Variants in PRKAR2B observed in about 807,000 individuals in gnomAD.
PRKAR2B encodes cAMP-dependent protein kinase type II-beta regulatory subunit.
Under a neutral mutation model 49.9 loss-of-function variants are expected in PRKAR2B, and 14 were observed. The observed-to-expected ratio is 0.28, with a 90% CI of 0.19 to 0.44. The LOEUF is 0.44. PRKAR2B is among the 20% of genes least tolerant of loss of function. The pLI is 1.00. For synonymous variants in PRKAR2B, 196 were observed against 197.7 expected (o/e 0.99, Z 0.07); for missense variants, 393 against 537.9 (o/e 0.73, Z 2.67).
chr7:107,102,484 C>T (rs1415718087), intron 2 of PRKAR2B, among the ~76,000 whole-genome samples: 7 of 152,184 alleles, frequency 4.6e-5, no homozygotes, highest in Non-Finnish European at 8.8e-5. Context: ...TTTGGCTATA[C>T]GCTGTTGCTC....
At chr7:107,130,343 T>C (rs568407091) in intron 4 of PRKAR2B, among the ~76,000 whole-genome samples, 77 of 150,130 alleles carry the variant, frequency 5.1e-4, no homozygotes, top group Middle Eastern at 3.4e-3. Flanking sequence ...ACTAAAAAAA[T>C]ACAAAAAAGT....
intron 2 of PRKAR2B, among the ~76,000 whole-genome samples, chr7:107,083,687 A>C (rs1794559728): frequency 6.6e-6 from 1 of 152,134 alleles, no homozygotes; most frequent in East Asian, 1.9e-4. Context: ...ATCTCGGCTC[A>C]CTGCAACCTC....
chr7:107,057,359 ATT>A (rs887001253), intron 1 of PRKAR2B, among the ~76,000 whole-genome samples: 11 of 149,232 alleles, frequency 7.4e-5, no homozygotes, highest in Admixed American at 2.0e-4. Flanking sequence ...CTGTGATGTC[ATT>A]CTTTTTTTTT....
intron 2 of PRKAR2B, among the ~76,000 whole-genome samples, chr7:107,098,821 A>ACAGAACAGCAAATATTG (rs1317268995): frequency 1.3e-5 from 2 of 152,304 alleles, no homozygotes; most frequent in East Asian, 3.9e-4. Context: ...AGCAGAGGCT[A>ACAGAACAGCAAATATTG]CAGAACAGCA....
chr7:107,068,557 T>G (rs901743346), intron 1 of PRKAR2B: 12 of 152,158 alleles, frequency 7.9e-5, no homozygotes, highest in Non-Finnish European at 1.5e-4. Flanking sequence ...TTTTAATAAG[T>G]AATTTGTGAC....
intron 1 of PRKAR2B, among the ~76,000 whole-genome samples, chr7:107,061,730 C>T (rs1026030599): frequency 6.6e-6 from 1 of 152,076 alleles, no homozygotes; most frequent in African/African-American, 2.4e-5. Context: ...ATGATGAAAC[C>T]CTGTCTCCAC....
intron 3 of PRKAR2B, among the ~76,000 whole-genome samples, chr7:107,123,294 T>C (rs1207892954): frequency 2.6e-5 from 4 of 152,212 alleles, no homozygotes; most frequent in Non-Finnish European, 4.4e-5. Context: ...GCCATTTAAT[T>C]GATGAGGTAA....
chr7:107,118,921 T>C (rs868693836), intron 2 of PRKAR2B, among the ~76,000 whole-genome samples: 1 of 152,166 alleles, frequency 6.6e-6, no homozygotes, highest in Non-Finnish European at 1.5e-5. Context: ...AGTGAAACAA[T>C]TGCAACAGGA....
chr7:107,138,943 T>C (rs922388020), intron 4 of PRKAR2B, among the ~76,000 whole-genome samples: 22 of 152,190 alleles, frequency 1.4e-4, no homozygotes, highest in African/African-American at 4.6e-4. Flanking sequence ...CCTCCCAAAG[T>C]GCTGGGATTA....
intron 3 of PRKAR2B, among the ~76,000 whole-genome samples, chr7:107,127,229 G>A (rs1795512803): frequency 6.6e-6 from 1 of 152,230 alleles, no homozygotes; most frequent in Non-Finnish European, 1.5e-5. Flanking sequence ...GAAGAGGCAA[G>A]GTACCTGCCC....
intron 2 of PRKAR2B, among the ~76,000 whole-genome samples, chr7:107,114,769 C>G (rs1328307398): frequency 6.6e-6 from 1 of 152,018 alleles, no homozygotes; most frequent in African/African-American, 2.4e-5. Flanking sequence ...TTCAGCAATA[C>G]CCTTCCCAAT....
At position 107,151,027 on chromosome 7, in the gene PRKAR2B, A is replaced by G; in HGVS notation, c.843+4A>G. The G allele has an allele frequency of 6.7e-7, 1 of 1,499,664 alleles. No individual in the cohort carries two copies. The highest frequency in any genetic ancestry group is 1.3e-5 in the South Asian group (1 of 79,278). 92.9% of individuals were successfully genotyped at this position (1,499,664 alleles called of 1,614,324 possible). On this transcript the variant is annotated splice_donor_region_variant and intron_variant, in intron 7 of 10. Coordinates refer to ENST00000265717, the MANE Select transcript of PRKAR2B (RefSeq NM_002736.3). ...GCCATTCCTTAAATCTTTGGAGGTA[A>G]GTATATGTTTATGCTTTTATTTTAT...
At chr7:107,156,574 C>T (rs558452948) in intron 8 of PRKAR2B, among the ~76,000 whole-genome samples, 8 of 152,000 alleles carry the variant, frequency 5.3e-5, no homozygotes, top group Non-Finnish European at 8.8e-5. Context: ...GGGAGGCCGA[C>T]GCAGGCAGAT....
At chr7:107,088,074 C>T (rs1349978857) in intron 2 of PRKAR2B, among the ~76,000 whole-genome samples, 1 of 152,036 alleles carries the variant, frequency 6.6e-6, no homozygotes, top group Non-Finnish European at 1.5e-5. Flanking sequence ...CTCTCATCAG[C>T]TTTTAGATAC....
intron 1 of PRKAR2B, chr7:107,068,750 C>G (rs1382807951): frequency 6.6e-6 from 1 of 152,122 alleles, no homozygotes; most frequent in Non-Finnish European, 1.5e-5. Context: ...ATATTCACCT[C>G]TTATTGTATG....
intron 6 of PRKAR2B, among the ~76,000 whole-genome samples, chr7:107,148,017 T>C (rs1201310001): frequency 6.6e-6 from 1 of 152,202 alleles, no homozygotes; most frequent in Non-Finnish European, 1.5e-5. Flanking sequence ...TATATACTTA[T>C]TTAAAAATGT....
intron 4 of PRKAR2B, among the ~76,000 whole-genome samples, chr7:107,130,346 A>T (rs912808133): frequency 6.6e-6 from 1 of 151,034 alleles, no homozygotes; most frequent in African/African-American, 2.4e-5. Flanking sequence ...AAAAAAATAC[A>T]AAAAAGTTAG....
chr7:107,127,511 G>A (rs556534666), intron 3 of PRKAR2B, among the ~76,000 whole-genome samples: 9 of 152,212 alleles, frequency 5.9e-5, no homozygotes, highest in Non-Finnish European at 1.3e-4. Flanking sequence ...TAGAATACAA[G>A]TTTAGTGAGA....
chr7:107,088,337 C>G (rs1163398515), intron 2 of PRKAR2B, among the ~76,000 whole-genome samples: 3 of 152,080 alleles, frequency 2.0e-5, no homozygotes, highest in African/African-American at 7.2e-5. Context: ...TTTACATGGT[C>G]AGAGAATGCC....
Sources: allele counts gnomAD v4.1 joint callset (sites outside exome capture counted in the v4.1 genomes callset), GRCh38; gene constraint gnomAD v4.1.1; transcripts MANE v1.5; gene names NCBI Gene and HGNC (gene_info 2026-07-23, HGNC 2026-07-21).